Variants in THSD7A observed in about 807,000 individuals in gnomAD.
The protein encoded by THSD7A is thrombospondin type-1 domain-containing protein 7A.
In THSD7A, 96 loss-of-function variants were observed where a neutral mutation model predicts 231.3. That is an observed-to-expected ratio of 0.41 (90% CI 0.35 to 0.49). THSD7A has a LOEUF of 0.49. Ranked by LOEUF, THSD7A falls within the 20% of genes least tolerant of loss-of-function variation. The pLI is 0.05. For missense variants in THSD7A, 2,290 were observed against 2,070.2 expected (o/e 1.11, Z -2.06); for synonymous variants, 940 against 743.3 (o/e 1.26, Z -4.30).
intron 13 of THSD7A, among the ~76,000 whole-genome samples, chr7:11,429,735 GT>G (rs1784422845): frequency 6.6e-6 from 1 of 152,158 alleles, no homozygotes; most frequent in Non-Finnish European, 1.5e-5. Context: ...AAAATCTTAT[GT>G]ATGAATTGTG....
chr7:11,793,619 A>G (rs1025800821), intron 1 of THSD7A, among the ~76,000 whole-genome samples: 1 of 151,824 alleles, frequency 6.6e-6, no homozygotes, highest in African/African-American at 2.4e-5. Flanking sequence ...AAGTACAAGA[A>G]TAATTATAAA....
intron 26 of THSD7A, 119 bp from the exon 27 acceptor site, chr7:11,376,776 T>G (rs1583629402): frequency 5.0e-6 from 3 of 596,616 alleles, no homozygotes; most frequent in African/African-American, 3.7e-5. Context: ...CGAAAAGAAT[T>G]ATTGCTTCAG....
chr7:11,422,394 C>A (rs1784174994), intron 16 of THSD7A, among the ~76,000 whole-genome samples: 1 of 152,016 alleles, frequency 6.6e-6, no homozygotes, highest in Non-Finnish European at 1.5e-5. Context: ...ACATTTTGAC[C>A]TTCATTAGCA....
chr7:11,524,119 T>G (rs961358723), intron 6 of THSD7A, among the ~76,000 whole-genome samples: 2 of 152,188 alleles, frequency 1.3e-5, no homozygotes, highest in Non-Finnish European at 2.9e-5. Flanking sequence ...TATTTCTTTA[T>G]TGCAATGTTC....
In THSD7A at chr7:11,372,719, C is replaced by T. The variant is rs1337533901; in HGVS notation, c.*3075G>A. 1 of 151,858 alleles carries T rather than the reference C, an allele frequency of 6.6e-6. No homozygotes were observed. Among genetic ancestry groups the T allele is most frequent in the East Asian group, 1.9e-4 (1 of 5,182 alleles). 9.4% of individuals were successfully genotyped at this position (151,858 alleles called of 1,614,324 possible). ...GAACAGCAGTTCTACATCTTTTACC[C>T]CCTCGGTGAGGTAAAAGTGTCAATA... On this transcript the variant is annotated 3_prime_UTR_variant, in exon 28 of 28. Transcript: ENST00000423059.
At chr7:11,641,635 T>C (rs974805307) in intron 1 of THSD7A, among the ~76,000 whole-genome samples, 6 of 152,058 alleles carry the variant, frequency 3.9e-5, no homozygotes, top group Admixed American at 2.0e-4. Flanking sequence ...TAACATATCC[T>C]GAGAAAACTT....
At chr7:11,725,234 G>A (rs1781508364) in intron 1 of THSD7A, among the ~76,000 whole-genome samples, 1 of 151,894 alleles carries the variant, frequency 6.6e-6, no homozygotes, top group African/African-American at 2.4e-5. Flanking sequence ...AGGGATGCCT[G>A]ATACCATTTG....
At chr7:11,745,700 G>T (rs1782276241) in intron 1 of THSD7A, among the ~76,000 whole-genome samples, 1 of 152,034 alleles carries the variant, frequency 6.6e-6, no homozygotes, top group African/African-American at 2.4e-5. Context: ...ATTAAATAGG[G>T]AATCCTTTCC....
intron 6 of THSD7A, among the ~76,000 whole-genome samples, chr7:11,492,297 C>A (rs146451245): frequency 2.6e-5 from 4 of 151,884 alleles, no homozygotes; most frequent in East Asian, 1.9e-4. Flanking sequence ...ATGATTACTG[C>A]CTCTCTTTCT....
chr7:11,563,936 T>C (rs1583981588), intron 4 of THSD7A, among the ~76,000 whole-genome samples: 1 of 152,132 alleles, frequency 6.6e-6, no homozygotes, highest in Admixed American at 6.5e-5. Flanking sequence ...ATCATATTTT[T>C]AAAAAGTGTT....
At chr7:11,773,011 C>T (rs2355084) in intron 1 of THSD7A, among the ~76,000 whole-genome samples, 69 of 152,048 alleles carry the variant, frequency 4.5e-4, no homozygotes, top group Non-Finnish European at 8.4e-4. Flanking sequence ...GATAGTCATA[C>T]AGAAATCAAC....
chr7:11,444,477 T>C lies in THSD7A; in HGVS notation c.3064+1584A>G, dbSNP rs1177703941. The stretch of plus-strand genomic sequence containing the variant: ...ATAAAATGGATGAAGCTGGAAACCG[T>C]CATGCCCAGCAAACTAACACAAGAA... On this transcript the variant is annotated intron_variant, in intron 13 of 27. Transcript: ENST00000423059. The surrounding 1 kb of genome is among the most constrained non-coding windows in gnomAD (Gnocchi z 4.2). Among the ~76,000 whole-genome samples the C allele has an allele frequency of 1.3e-5, 2 of 151,880 alleles. No individual in the cohort carries two copies. The highest frequency in any genetic ancestry group is 4.8e-5 in the African/African-American group (2 of 41,376).
intron 13 of THSD7A, among the ~76,000 whole-genome samples, chr7:11,441,985 A>T (rs916578444): frequency 3.7e-4 from 56 of 152,002 alleles, no homozygotes; most frequent in South Asian, 8.3e-4. Flanking sequence ...GTATAATTTT[A>T]AAAAAAAGCA....
intron 1 of THSD7A, among the ~76,000 whole-genome samples, chr7:11,724,318 C>T (rs1781470834): frequency 6.6e-6 from 1 of 151,872 alleles, no homozygotes; most frequent in African/African-American, 2.4e-5. Context: ...CTTCCTGCAG[C>T]CAAGCCAGGG....
intron 1 of THSD7A, among the ~76,000 whole-genome samples, chr7:11,745,831 T>C (rs569238999): frequency 6.6e-6 from 1 of 152,270 alleles, no homozygotes; most frequent in African/African-American, 2.4e-5. Flanking sequence ...AGTACCATGC[T>C]GTTTTGGTTA....
intron 1 of THSD7A, among the ~76,000 whole-genome samples, chr7:11,688,161 G>GT (rs775618411): frequency 6.0e-5 from 9 of 150,578 alleles, no homozygotes; most frequent in Non-Finnish European, 1.0e-4. Flanking sequence ...ACATGCGGTG[G>GT]TTTTTTGTCC....
intron 6 of THSD7A, among the ~76,000 whole-genome samples, chr7:11,515,924 C>A (rs1193841838): frequency 1.3e-5 from 2 of 152,094 alleles, no homozygotes; most frequent in East Asian, 3.9e-4. Context: ...AGTTAAAAGC[C>A]TGTCAAAATA....
intron 1 of THSD7A, among the ~76,000 whole-genome samples, chr7:11,697,417 A>G (rs1780436568): frequency 6.6e-6 from 1 of 151,364 alleles, no homozygotes; most frequent in Non-Finnish European, 1.5e-5. Flanking sequence ...ATATTTTACA[A>G]CTAAAAACTT....
chr7:11,818,874 GTT>G (rs60803827), intron 1 of THSD7A, among the ~76,000 whole-genome samples: 1 of 151,578 alleles, frequency 6.6e-6, no homozygotes, highest in Non-Finnish European at 1.5e-5. Flanking sequence ...TTCCCATGTG[GTT>G]TTTTTTCATT....
Sources: gnomAD v4.1 joint callset for allele counts (sites outside exome capture counted in the v4.1 genomes callset) on GRCh38, gnomAD v4.1.1 for gene constraint, Gnocchi (gnomAD v3.1) non-coding constraint, MANE v1.5 for transcripts, NCBI Gene and HGNC (gene_info 2026-07-23, HGNC 2026-07-21) for gene names.